The following MYOM2 variants were observed in gnomAD, a reference collection of about 807,000 sequenced individuals.
MYOM2 encodes myomesin-2.
MYOM2 carries 254 observed loss-of-function variants against 187.6 expected under a neutral mutation model. The observed-to-expected ratio is 1.35, with a 90% CI of 1.22 to 1.50. The LOEUF (loss-of-function observed/expected upper bound fraction) is 1.50, where lower values mean the gene tolerates loss of function less well. Among genes scored for constraint, MYOM2 ranks in the 40% most tolerant of loss-of-function variants. MYOM2 has a pLI of 0.00. For missense variants in MYOM2, 2,796 were observed against 1,924.0 expected (o/e 1.45, Z -8.48); for synonymous variants, 981 against 753.8 (o/e 1.30, Z -4.94).
Position 2,108,877 on chromosome 8 carries a change from G to A in MYOM2, c.3043+47G>A, listed in dbSNP as rs187771040. The A allele has an allele frequency of 7.6e-4, 1,212 of 1,593,300 alleles. 4 individuals carry two copies. Among genetic ancestry groups the A allele is most frequent in the Non-Finnish European group, 8.3e-4 (962 of 1,162,178 alleles). Reference sequence around the variant, plus strand: ...CCCCTCTGCTTGCAGCTGCTGGCTGGAGGGCCGTGTTCATTAATGCATGAG... The same window carrying A: ...CCCCTCTGCTTGCAGCTGCTGGCTGAAGGGCCGTGTTCATTAATGCATGAG... On this transcript the variant is annotated intron_variant, in intron 24 of 36. Coordinates refer to ENST00000262113, the MANE Select transcript of MYOM2 (RefSeq NM_003970.4).
At chr8:2,109,082 C>T (rs1322759152) in intron 24 of MYOM2, among the ~76,000 whole-genome samples, 1 of 152,176 alleles carries the variant, frequency 6.6e-6, no homozygotes, top group Non-Finnish European at 1.5e-5. Context: ...CGAGTGAGAT[C>T]CAAGATTTCA....
At chr8:2,091,705 G>A (rs1372086248) in intron 15 of MYOM2, among the ~76,000 whole-genome samples, 2 of 152,354 alleles carry the variant, frequency 1.3e-5, no homozygotes, top group African/African-American at 4.8e-5. Context: ...AGAACCACAG[G>A]CTTGACAAGA....
chr8:2,068,965 A>C (rs1030817565), intron 6 of MYOM2, among the ~76,000 whole-genome samples: 2 of 152,166 alleles, frequency 1.3e-5, no homozygotes, highest in Non-Finnish European at 2.9e-5. Context: ...AGGTAGAAAA[A>C]ATAGGACCAG....
intron 35 of MYOM2, among the ~76,000 whole-genome samples, chr8:2,142,641 A>G (rs1798312432): frequency 6.8e-6 from 1 of 147,778 alleles, no homozygotes; most frequent in African/African-American, 2.5e-5. Flanking sequence ...TCCCTTGCAG[A>G]ACCTGCAGCC....
In MYOM2 at chr8:2,069,436, C is replaced by A; in HGVS notation, c.743-11C>A. The A allele has an allele frequency of 6.2e-7, 1 of 1,614,204 alleles. No homozygotes were observed. Among genetic ancestry groups the A allele is most frequent in the Non-Finnish European group, 8.5e-7 (1 of 1,180,016 alleles). The stretch of plus-strand genomic sequence containing the variant: ...TCTCTTTTCTGCTGCACTCACTTTG[C>A]TGTCTTGCAGGGTTCCGGGGAGACG... On this transcript the variant is annotated splice_polypyrimidine_tract_variant and intron_variant, in intron 7 of 36. Coordinates refer to ENST00000262113, the MANE Select transcript of MYOM2 (RefSeq NM_003970.4).
intron 32 of MYOM2, among the ~76,000 whole-genome samples, chr8:2,132,933 G>A (rs1172891020): frequency 6.6e-6 from 1 of 152,170 alleles, no homozygotes; most frequent in African/African-American, 2.4e-5. Flanking sequence ...CACAGGGTGG[G>A]AGGGGCAGTG....
intron 2 of MYOM2, among the ~76,000 whole-genome samples, 164 bp from the exon 3 acceptor site, chr8:2,051,994 G>A (rs540960543): frequency 1.3e-5 from 2 of 152,350 alleles, no homozygotes; most frequent in East Asian, 3.9e-4. Flanking sequence ...GTGCATATAT[G>A]TGTGTAGGTG....
intron 36 of MYOM2, 45 bp from the exon 37 acceptor site, chr8:2,144,619 C>G (rs140069036): frequency 1.1e-5 from 17 of 1,598,992 alleles, no homozygotes; most frequent in South Asian, 2.2e-5. Context: ...ACATGACTTT[C>G]CTTTTTCTAA....
intron 14 of MYOM2, among the ~76,000 whole-genome samples, chr8:2,089,138 G>T (rs1259664349): frequency 1.2e-5 from 1 of 81,978 alleles, no homozygotes; most frequent in Non-Finnish European, 3.0e-5. Context: ...GCTTACCAGG[G>T]TCAGTGTATA....
In MYOM2 at chr8:2,144,229, TG is replaced by T. The variant is rs1798376611; in HGVS notation, c.4081-434del. 2.6e-5 allele frequency among the ~76,000 whole-genome samples: 4 copies of T among 152,246 alleles called. No homozygotes were observed. In the South Asian group the frequency reaches 8.3e-4, roughly 32 times the overall value. On this transcript the variant is annotated intron_variant, in intron 36 of 36. Transcript: ENST00000262113. ...ACTAAGCTTCAAGAATGCATTTTTTTGCCTCCAATTTACCAGTTATAAAACG... is the reference window on the plus strand; with the variant it reads ...ACTAAGCTTCAAGAATGCATTTTTTTCCTCCAATTTACCAGTTATAAAACG...
intron 3 of MYOM2, among the ~76,000 whole-genome samples, chr8:2,056,234 C>T (rs1195876773): frequency 4.6e-5 from 7 of 152,146 alleles, no homozygotes; most frequent in African/African-American, 1.7e-4. Context: ...GGAGACATGG[C>T]ATCTGAGATG....
intron 14 of MYOM2, among the ~76,000 whole-genome samples, chr8:2,086,656 G>A (rs934133816): frequency 6.6e-6 from 1 of 152,264 alleles, no homozygotes; most frequent in African/African-American, 2.4e-5. Context: ...TGGCACCAGG[G>A]GGCTGGGTTG....
Position 2,059,194 on chromosome 8 carries a change from G to GAA in MYOM2, c.604_605dup (p.Tyr203SerfsTer45), listed in dbSNP as rs773422376. 3.1e-6 allele frequency: 5 copies of GAA among 1,614,222 alleles called. No individual in the cohort carries two copies. The highest frequency in any genetic ancestry group is 4.2e-6 in the Non-Finnish European group (5 of 1,180,038). On this transcript the variant is annotated frameshift_variant, in exon 6 of 37. Coordinates refer to ENST00000262113, the MANE Select transcript of MYOM2 (RefSeq NM_003970.4). LOFTEE classifies it high-confidence loss of function. ...CTGATTTGCCAGGCGGCTGAACCGG[G>GAA]AAAGTACAGGATTGAGAGCAACTAT...
chr8:2,125,149 G>C (rs1303681966), intron 31 of MYOM2, among the ~76,000 whole-genome samples: 2 of 152,150 alleles, frequency 1.3e-5, no homozygotes, highest in Non-Finnish European at 2.9e-5. Context: ...TCCTATCCAA[G>C]CGATCACTGC....
chr8:2,130,986 A>G lies in MYOM2; in HGVS notation c.3800+1754A>G, dbSNP rs183404589. On this transcript the variant is annotated intron_variant, in intron 32 of 36. Coordinates refer to ENST00000262113, the MANE Select transcript of MYOM2 (RefSeq NM_003970.4). Reference sequence around the variant, plus strand: ...TTGCTGTAAGTTGTACACACTTGCAATGTGTGTCCTGCCATCCGTCATAAA... The same window carrying G: ...TTGCTGTAAGTTGTACACACTTGCAGTGTGTGTCCTGCCATCCGTCATAAA... Among the ~76,000 whole-genome samples, 629 of 152,284 alleles carry G rather than the reference A, an allele frequency of 4.1e-3. 5 individuals are homozygous for G. The highest frequency in any genetic ancestry group is 0.01 in the African/African-American group (429 of 41,560).
At chr8:2,089,351 C>T (rs573755674) in intron 14 of MYOM2, among the ~76,000 whole-genome samples, 1 of 151,662 alleles carries the variant, frequency 6.6e-6, no homozygotes, top group East Asian at 1.9e-4. Context: ...ATAAAATAGC[C>T]ACATTAACGT....
chr8:2,131,528 T>TA (rs748493832), intron 32 of MYOM2, among the ~76,000 whole-genome samples: 6 of 151,704 alleles, frequency 4.0e-5, no homozygotes, highest in Non-Finnish European at 8.8e-5. Context: ...CATCCCTAGA[T>TA]ACAAAAAGAG....
chr8:2,142,406 C>T lies in MYOM2; in HGVS notation c.4024+9C>T, dbSNP rs372178708. On this transcript the variant is annotated intron_variant, in intron 35 of 36. Transcript: ENST00000262113. ...TGCTTTTGCAGAGAAGAGTAAGTAC[C>T]TGTTGGATTGTAACCAGGATGGTGA... 5 of 1,613,450 alleles carry T rather than the reference C, an allele frequency of 3.1e-6. No homozygotes were observed. The highest frequency in any genetic ancestry group is 3.4e-6 in the Non-Finnish European group (4 of 1,179,468).
At chr8:2,050,304 C>T (rs142494334) in intron 1 of MYOM2, among the ~76,000 whole-genome samples, 157 of 152,310 alleles carry the variant, frequency 1.0e-3, no homozygotes, top group African/African-American at 3.6e-3. Flanking sequence ...GCCACTCGGC[C>T]GTCCTGGCCT....
Sources: gnomAD v4.1 joint callset for allele counts (sites outside exome capture counted in the v4.1 genomes callset) on GRCh38, gnomAD v4.1.1 for gene constraint, MANE v1.5 for transcripts, NCBI Gene and HGNC (gene_info 2026-07-23, HGNC 2026-07-21) for gene names.